FER: variants seen among roughly 807,000 people sequenced by gnomAD.
The protein encoded by FER is tyrosine-protein kinase Fer.
Under a neutral mutation model 111.0 loss-of-function variants are expected in FER, and 63 were observed. The observed-to-expected ratio is 0.57, with a 90% CI of 0.46 to 0.70. The LOEUF is 0.70. Among genes scored for constraint, FER ranks in the 30% least tolerant of loss-of-function variants. The pLI is 0.00. For synonymous variants in FER, 327 were observed against 313.9 expected, an observed-to-expected ratio of 1.04 and a Z score of -0.44; for missense variants, 914 against 954.0, an observed-to-expected ratio of 0.96 and a Z score of 0.55.
intron 5 of FER, among the ~76,000 whole-genome samples, chr5:108,859,949 A>ATTT (rs1211807263): frequency 6.8e-6 from 1 of 147,922 alleles, no homozygotes; most frequent in Non-Finnish European, 1.5e-5. Flanking sequence ...TATTATTATT[A>ATTT]TTATTATTTT....
At chr5:108,907,229 G>C (rs953744254) in intron 10 of FER, among the ~76,000 whole-genome samples, 1 of 146,986 alleles carries the variant, frequency 6.8e-6, no homozygotes, top group Non-Finnish European at 1.5e-5. Context: ...TCTTTTTTTT[G>C]TCTCTTCCAC....
chr5:108,768,915 C>G (rs921979012), intron 2 of FER, among the ~76,000 whole-genome samples: 5 of 151,848 alleles, frequency 3.3e-5, no homozygotes, highest in Admixed American at 6.6e-5. Flanking sequence ...ACCTCCGCCT[C>G]CTGGGTTCAA....
At chr5:108,780,410 T>G (rs1465469406) in intron 2 of FER, among the ~76,000 whole-genome samples, 1 of 151,870 alleles carries the variant, frequency 6.6e-6, no homozygotes, top group Non-Finnish European at 1.5e-5. Flanking sequence ...TTACTTTTTA[T>G]CTTAAGATTT....
At chr5:109,043,382 G>A (rs934003156) in intron 14 of FER, among the ~76,000 whole-genome samples, 3 of 152,002 alleles carry the variant, frequency 2.0e-5, no homozygotes, top group Non-Finnish European at 4.4e-5. Flanking sequence ...AATTTATCAC[G>A]AATGTTTACT....
chr5:108,806,660 A>G (rs1299824775), intron 3 of FER, among the ~76,000 whole-genome samples: 2 of 152,152 alleles, frequency 1.3e-5, no homozygotes, highest in Admixed American at 1.3e-4. Context: ...GAGCTTTGAG[A>G]TTTGACTGCC....
chr5:109,068,090 G>A lies in FER; in HGVS notation c.1924+20892G>A, dbSNP rs569329022. 1.6e-4 allele frequency among the ~76,000 whole-genome samples: 25 copies of A among 151,798 alleles called. No homozygotes were observed. In the East Asian group the frequency reaches 3.1e-3, roughly 19 times the overall value. On this transcript the variant is annotated intron_variant, in intron 16 of 19. Transcript: ENST00000281092. ...AAATTTATTGTATTCCAGAATACTC[G>A]ATTATGGAGTCAGAATTTCTTTAGA...
intron 13 of FER, among the ~76,000 whole-genome samples, chr5:108,986,438 T>A (rs1383800464): frequency 6.6e-6 from 1 of 152,172 alleles, no homozygotes; most frequent in Non-Finnish European, 1.5e-5. Flanking sequence ...GTGCAGAAGC[T>A]TTTTCATTTA....
chr5:108,857,062 T>A (rs1244453589), intron 5 of FER, among the ~76,000 whole-genome samples: 3 of 152,122 alleles, frequency 2.0e-5, no homozygotes, highest in African/African-American at 7.2e-5. Context: ...TAGAAAGAAT[T>A]CCCATATACC....
At position 109,193,182 on chromosome 5, in the gene FER, G is replaced by T. The variant is rs1388700821; in HGVS notation, c.*5607G>T. On this transcript the variant is annotated 3_prime_UTR_variant, in exon 20 of 20. Transcript: ENST00000281092. ...TTTACCTACGCTCCCTATAATCTCA[G>T]GAGGTAACCATTATTTAATCAGAAT... 1 of 152,074 alleles carries T rather than the reference G, an allele frequency of 6.6e-6. No individual in the cohort carries two copies. The highest frequency in any genetic ancestry group is 1.5e-5 in the Non-Finnish European group (1 of 68,040). 9.4% of individuals were successfully genotyped at this position (152,074 alleles called of 1,614,324 possible). A position where few individuals can be genotyped will look rare whatever the true frequency, so the allele number is the denominator to read the frequency against.
intron 17 of FER, among the ~76,000 whole-genome samples, chr5:109,150,787 A>G (rs1283065398): frequency 1.3e-5 from 2 of 152,184 alleles, no homozygotes; most frequent in Non-Finnish European, 2.9e-5. Flanking sequence ...TCTTTGCTAT[A>G]TTATTGTTAT....
Position 108,994,313 on chromosome 5 carries a change from C to CAGA in FER, c.1656+34967_1656+34968insGAA, listed in dbSNP as rs1763717357. 6.6e-5 allele frequency among the ~76,000 whole-genome samples: 10 copies of CAGA among 152,246 alleles called. 1 individual carries two copies. In the South Asian group the frequency reaches 2.1e-3, roughly 32 times the overall value. ...AAGGTATAAGGAAGGGGTCCAGTTCCAATTTTCTCCATATGGCTAGCCAGT... is the reference window on the plus strand; with the variant it reads ...AAGGTATAAGGAAGGGGTCCAGTTCCAGAAATTTTCTCCATATGGCTAGCCAGT... On this transcript the variant is annotated intron_variant, in intron 13 of 19. Coordinates refer to ENST00000281092, the MANE Select transcript of FER (RefSeq NM_005246.4).
chr5:108,914,075 T>C lies in FER; in HGVS notation c.1236+16227T>C, dbSNP rs144544924. ...ACTTGTTTCTTGATCTGTGTTCTGG[T>C]TACAGGGACTTTTTCAATCTGCAAA... On this transcript the variant is annotated intron_variant, in intron 10 of 19. Coordinates refer to ENST00000281092, the MANE Select transcript of FER (RefSeq NM_005246.4). 1.4e-3 allele frequency among the ~76,000 whole-genome samples: 220 copies of C among 152,264 alleles called. 3 individuals are homozygous for C. Among genetic ancestry groups the C allele is most frequent in the African/African-American group, 5.1e-3 (213 of 41,550 alleles).
chr5:108,754,694 ATTG>A (rs1016622966), intron 1 of FER, among the ~76,000 whole-genome samples: 3 of 152,340 alleles, frequency 2.0e-5, no homozygotes, highest in Admixed American at 2.0e-4. Context: ...AATAACACTA[ATTG>A]TTGTACAAAA....
At chr5:109,043,843 C>CACAT (rs1771549065) in intron 14 of FER, among the ~76,000 whole-genome samples, 4 of 151,720 alleles carry the variant, frequency 2.6e-5, no homozygotes, top group Non-Finnish European at 5.9e-5. Flanking sequence ...TGGTGGTGTG[C>CACAT]GCCTGTAGTC....
At chr5:108,982,116 G>C (rs1762074473) in intron 13 of FER, among the ~76,000 whole-genome samples, 1 of 152,046 alleles carries the variant, frequency 6.6e-6, no homozygotes, top group African/African-American at 2.4e-5. Context: ...CAAATTTTCT[G>C]ACTCCACCCC....
At chr5:109,054,711 G>A (rs1020785605) in intron 16 of FER, among the ~76,000 whole-genome samples, 2 of 152,080 alleles carry the variant, frequency 1.3e-5, no homozygotes, top group South Asian at 4.1e-4. Flanking sequence ...ACTTTTAGAA[G>A]TTTAAAATTT....
At chr5:109,073,514 T>A (rs2150000324) in intron 16 of FER, among the ~76,000 whole-genome samples, 1 of 152,262 alleles carries the variant, frequency 6.6e-6, no homozygotes, top group South Asian at 2.1e-4. Context: ...CACCTTAGCA[T>A]GTCTTTGTTT....
chr5:109,148,158 C>A (rs1754444305), intron 17 of FER, among the ~76,000 whole-genome samples: 1 of 151,962 alleles, frequency 6.6e-6, no homozygotes, highest in Non-Finnish European at 1.5e-5. Flanking sequence ...AATTATCCTG[C>A]AACTCCAACT....
chr5:109,044,171 A>G (rs1266996780), intron 14 of FER, among the ~76,000 whole-genome samples: 2 of 146,158 alleles, frequency 1.4e-5, no homozygotes, highest in Non-Finnish European at 3.0e-5. Context: ...TAAATACACT[A>G]TAAATCAGGC....
Sources: gnomAD v4.1 joint callset for allele counts (sites outside exome capture counted in the v4.1 genomes callset) on GRCh38, gnomAD v4.1.1 for gene constraint, MANE v1.5 for transcripts, NCBI Gene and HGNC (gene_info 2026-07-23, HGNC 2026-07-21) for gene names.